Variants in ITIH6 observed in about 807,000 individuals in gnomAD.
The protein encoded by ITIH6 is inter-alpha-trypsin inhibitor heavy chain H6.
In ITIH6, 60 loss-of-function variants were observed where a neutral mutation model predicts 58.2. The observed-to-expected ratio is 1.03, with a 90% CI of 0.84 to 1.28. ITIH6 has a LOEUF of 1.28. Ranked by LOEUF, ITIH6 falls within the 50% of genes most tolerant of loss-of-function variation. The pLI is 0.00. For missense variants in ITIH6, 1,290 were observed against 1,021.1 expected (o/e 1.26, Z -3.59); for synonymous variants, 493 against 417.4 (o/e 1.18, Z -2.21).
chrX:54,769,487 G>GT (rs1285939442), intron 6 of ITIH6, among the ~76,000 whole-genome samples: 9 of 106,420 alleles, frequency 8.5e-5, no homozygotes, highest in Non-Finnish European at 7.7e-5. Flanking sequence ...TTTCTGTTCT[G>GT]TTTTTTCCCC....
chrX:54,756,396 CAAGA>C (rs1289367648), intron 8 of ITIH6, among the ~76,000 whole-genome samples: 1 of 111,674 alleles, frequency 9.0e-6, no homozygotes, highest in Non-Finnish European at 1.9e-5. Context: ...ATGACGATGT[CAAGA>C]AAGAAAGATG....
chrX:54,792,060 G>A (rs780484060), intron 2 of ITIH6, 24 bp from the exon 3 acceptor site: 12 of 1,024,518 alleles, frequency 1.2e-5, no homozygotes, highest in Non-Finnish European at 1.6e-5. Context: ...AAAGAGGAGG[G>A]ACAGTAGAGA....
intron 12 of ITIH6, 42 bp from the exon 13 acceptor site, chrX:54,750,148 A>T: frequency 9.5e-7 from 1 of 1,056,537 alleles, no homozygotes. Context: ...AGGTGGCCTG[A>T]GTCCCTGCTC....
chrX:54,780,482 A>G (rs957967776), intron 5 of ITIH6, among the ~76,000 whole-genome samples: 3 of 112,364 alleles, frequency 2.7e-5, no homozygotes, highest in Non-Finnish European at 3.8e-5. Context: ...ATGACAATGT[A>G]AAGACAACAT....
chrX:54,766,227 T>C (rs1436573668), intron 6 of ITIH6, among the ~76,000 whole-genome samples: 7 of 107,624 alleles, frequency 6.5e-5, no homozygotes, highest in African/African-American at 1.7e-4. Context: ...GTGATTTTTG[T>C]ACATTGATTT....
At chrX:54,776,246 C>T (rs1355653064) in intron 5 of ITIH6, among the ~76,000 whole-genome samples, 2 of 111,106 alleles carry the variant, frequency 1.8e-5, no homozygotes, top group Non-Finnish European at 3.8e-5. Flanking sequence ...CAAAACAGCC[C>T]TAGCTACACG....
chrX:54,759,681 G>A, intron 7 of ITIH6, 75 bp downstream of exon 7: 1 of 832,508 alleles, frequency 1.2e-6, no homozygotes, highest in Non-Finnish European at 1.7e-6. Context: ...GAGGATGGGG[G>A]AATGAAGAGA....
chrX:54,795,944 A>G (rs1484918621), intron 2 of ITIH6, among the ~76,000 whole-genome samples: 1 of 112,231 alleles, frequency 8.9e-6, no homozygotes, highest in Non-Finnish European at 1.9e-5. Flanking sequence ...AGCACAGTGC[A>G]GCCTCAACTT....
intron 6 of ITIH6, among the ~76,000 whole-genome samples, chrX:54,762,157 C>T (rs890841258): frequency 5.3e-4 from 59 of 111,564 alleles, no homozygotes; most frequent in African/African-American, 1.8e-3. Context: ...CCTTCACATC[C>T]CTTGTAAGTT....
chrX:54,758,632 T>C lies in ITIH6; in HGVS notation c.1442A>G (p.Tyr481Cys). 8.3e-7 allele frequency: 1 copy of C among 1,211,391 alleles called. No individual in the cohort carries two copies. Among genetic ancestry groups the C allele is most frequent in the East Asian group, 3.0e-5 (1 of 33,789 alleles). The change falls in exon 8 of 13, where the codon TAC becomes TGC. Residue 481 changes from tyrosine to cysteine, a missense_variant. Tyr to Cys is a radical substitution (Grantham distance 194). Coordinates refer to ENST00000218436, the MANE Select transcript of ITIH6 (RefSeq NM_198510.3). ...MPLLADVRLNYLGGLVGASPW... is the reference protein window; with the variant it reads ...MPLLADVRLNCLGGLVGASPW... ...GGAGGCCCCAACCAAGCCACCCAGG[T>C]AGTTCAGACGCACATCTGCCAGCAG... is the stretch of plus-strand genomic sequence containing the variant.
chrX:54,768,407 G>A (rs1184991745), intron 6 of ITIH6, among the ~76,000 whole-genome samples: 1 of 87,554 alleles, frequency 1.1e-5, no homozygotes, highest in African/African-American at 4.6e-5. Context: ...AGTTAATATT[G>A]TTATGTGTGA....
intron 5 of ITIH6, among the ~76,000 whole-genome samples, chrX:54,778,181 G>C (rs1445986612): frequency 2.8e-5 from 3 of 107,185 alleles, no homozygotes; most frequent in Non-Finnish European, 5.7e-5. Context: ...ACATACTGAA[G>C]AATGCACCAG....
rs1041139742 is a variant in ITIH6 at position 54,749,763 on chromosome X, T to G, written c.*132A>C. ...TTGTATACCCTTGTATATGTGTTCC[T>G]TAGAACATGCGTGAGTCTGTGTGTC... On this transcript the variant is annotated 3_prime_UTR_variant, in exon 13 of 13. Coordinates refer to ENST00000218436, the MANE Select transcript of ITIH6 (RefSeq NM_198510.3). 9 of 490,373 alleles carry G rather than the reference T, an allele frequency of 1.8e-5. No individual in the cohort carries two copies. Among genetic ancestry groups the G allele is most frequent in the African/African-American group, 4.9e-5 (2 of 41,097 alleles). The allele number at this position is 490,373 out of a possible 1,213,427, so 40.4% of individuals were successfully genotyped here. A position where few individuals can be genotyped will look rare whatever the true frequency, so the allele number is the denominator to read the frequency against.
At chrX:54,750,890 A>C in intron 12 of ITIH6, 113 bp downstream of exon 12, 18 of 787,079 alleles carry the variant, frequency 2.3e-5, no homozygotes, top group Non-Finnish European at 3.0e-5. Flanking sequence ...CCCCAAGGGA[A>C]GAGTCTGTTG....
chrX:54,790,707 C>T, intron 4 of ITIH6, 130 bp downstream of exon 4: 1 of 877,842 alleles, frequency 1.1e-6, no homozygotes, highest in African/African-American at 2.0e-5. Flanking sequence ...CCTCTTCTCA[C>T]TGAATCAGGA....
At position 54,757,446 on chromosome X, in the gene ITIH6, G is replaced by T; in HGVS notation, c.2628C>A (p.Thr876=). ...STSISLSKPE[T]PNPHMPQTPL... ...GGGTTTGAGGCATATGGGGGTTTGGGGTCTCAGGCTTGGAAAGTGATATGC... is the reference window on the plus strand; with the variant it reads ...GGGTTTGAGGCATATGGGGGTTTGGTGTCTCAGGCTTGGAAAGTGATATGC... Residue 876 remains threonine (T), a synonymous_variant, in exon 8 of 13, where the codon ACC becomes ACA. Transcript: ENST00000218436. The T allele has an allele frequency of 1.7e-6, 2 of 1,210,621 alleles. No individual in the cohort carries two copies.
chrX:54,756,037 T>A, intron 8 of ITIH6, among the ~76,000 whole-genome samples: 1 of 111,220 alleles, frequency 9.0e-6, no homozygotes. Flanking sequence ...TGTAGCACAG[T>A]GACACTTGGG....
chrX:54,794,969 A>G (rs971889171), intron 2 of ITIH6, among the ~76,000 whole-genome samples: 1 of 111,821 alleles, frequency 8.9e-6, no homozygotes, highest in Non-Finnish European at 1.9e-5. Flanking sequence ...AGCCGAAAAA[A>G]GGTAAACACC....
At chrX:54,756,147 T>G (rs1928481520) in intron 8 of ITIH6, among the ~76,000 whole-genome samples, 2 of 111,163 alleles carry the variant, frequency 1.8e-5, no homozygotes, top group South Asian at 7.8e-4. Context: ...GAGAGAGGCA[T>G]GTAGAGGATG....
Sources: gnomAD v4.1 joint callset for allele counts (sites outside exome capture counted in the v4.1 genomes callset) on GRCh38, gnomAD v4.1.1 for gene constraint, MANE v1.5 for transcripts, NCBI Gene and HGNC (gene_info 2026-07-23, HGNC 2026-07-21) for gene names.